Variants in NUP155 observed in about 807,000 individuals in gnomAD.
NUP155 encodes the protein nuclear pore complex protein Nup155.
Under a neutral mutation model 180.4 loss-of-function variants are expected in NUP155, and 71 were observed. The observed-to-expected ratio is 0.39, with a 90% CI of 0.33 to 0.48. The LOEUF (loss-of-function observed/expected upper bound fraction) is 0.48. Among genes scored for constraint, NUP155 ranks in the 20% least tolerant of loss-of-function variants. The probability of loss-of-function intolerance (pLI) is 0.91; values close to 1 mark genes in which losing one functional copy is unlikely to be tolerated. For synonymous variants in NUP155, 582 were observed against 559.5 expected, an observed-to-expected ratio of 1.04 and a Z score of -0.57; for missense variants, 1,553 against 1,648.9, an observed-to-expected ratio of 0.94 and a Z score of 1.01.
In NUP155 at chr5:37,365,711, G is replaced by GGAAA. The variant is rs1491216296; in HGVS notation, c.158-1328_158-1327insTTTC. On this transcript the variant is annotated intron_variant, in intron 1 of 34. Transcript: ENST00000231498. ...TGACAGAGCAAGACTCTGTCTCGGGGAGAAAAAAAAAAAAAAAAAAAAAAA... is the reference window on the plus strand; with the variant it reads ...TGACAGAGCAAGACTCTGTCTCGGGGGAAAAGAAAAAAAAAAAAAAAAAAAAAAA... Among the ~76,000 whole-genome samples the GGAAA allele has an allele frequency of 2.1e-3, 71 of 34,012 alleles. 16 individuals are homozygous for GGAAA. The highest frequency in any genetic ancestry group is 0.031 in the Middle Eastern group (1 of 32). The allele number at this position is 34,012 out of a possible 152,430, so 22.3% of individuals were successfully genotyped here.
intron 25 of NUP155, 30 bp from the exon 26 acceptor site, chr5:37,305,240 A>T: frequency 1.3e-6 from 2 of 1,580,854 alleles, no homozygotes; most frequent in Non-Finnish European, 1.7e-6. Flanking sequence ...GAACAATTAC[A>T]TTATTTAACT....
Position 37,326,107 on chromosome 5 carries a change from T to C in NUP155, c.2025-140A>G, listed in dbSNP as rs1369723880. 4 of 666,088 alleles carry C rather than the reference T, an allele frequency of 6.0e-6. No individual in the cohort carries two copies. In the Admixed American group the frequency reaches 7.8e-5, roughly 13 times the overall value. The allele number at this position is 666,088 out of a possible 1,614,324, so 41.3% of individuals were successfully genotyped here. A position where few individuals can be genotyped will look rare whatever the true frequency, so the allele number is the denominator to read the frequency against. The stretch of plus-strand genomic sequence containing the variant: ...TCATTTAACATTTTACTAAGCTATC[T>C]AGAAGAGTGGAATACTAGAAAATTT... On this transcript the variant is annotated intron_variant, in intron 18 of 34. Transcript: ENST00000231498.
intron 19 of NUP155, among the ~76,000 whole-genome samples, chr5:37,324,802 T>C (rs750419700): frequency 1.3e-5 from 2 of 152,170 alleles, no homozygotes; most frequent in Non-Finnish European, 2.9e-5. Context: ...TTCCAAAGCA[T>C]TGTGGTTACA....
chr5:37,323,552 A>G (rs1744384725), intron 20 of NUP155, among the ~76,000 whole-genome samples: 1 of 151,366 alleles, frequency 6.6e-6, no homozygotes, highest in Non-Finnish European at 1.5e-5. Flanking sequence ...ATTCATATAA[A>G]TATTTCTATA....
intron 18 of NUP155, 79 bp downstream of exon 18, chr5:37,327,550 C>T: frequency 1.3e-6 from 2 of 1,521,612 alleles, no homozygotes; most frequent in Non-Finnish European, 1.8e-6. Flanking sequence ...AATGATGTCC[C>T]AAATTCAGAG....
At chr5:37,370,758 T>C (rs1747908976) in intron 1 of NUP155, 63 bp downstream of exon 1, 3 of 1,613,226 alleles carry the variant, frequency 1.9e-6, no homozygotes, top group Non-Finnish European at 8.5e-7. Flanking sequence ...TGGGGATAAG[T>C]AGCAAATTAG....
chr5:37,296,235 G>T (rs923576167), intron 32 of NUP155, among the ~76,000 whole-genome samples: 6 of 152,192 alleles, frequency 3.9e-5, no homozygotes, highest in Admixed American at 3.3e-4. Context: ...GGAATAGAAA[G>T]GGGGGAAAGG....
intron 33 of NUP155, 157 bp from the exon 34 acceptor site, chr5:37,293,142 G>A (rs1742323520): frequency 1.7e-6 from 1 of 604,600 alleles, no homozygotes; most frequent in Non-Finnish European, 3.0e-6. Context: ...TCTGATTATA[G>A]TTAATATTTC....
chr5:37,324,107 T>C lies in NUP155; in HGVS notation c.2092A>G (p.Ile698Val). The change falls in exon 20 of 35, where the codon ATT becomes GTT. Residue 698 changes from isoleucine (I) to valine (V), a missense_variant and splice_region_variant. Transcript: ENST00000231498. ...AGTTGGCAGGGAACACTACTTTCAATCTGTAAAAATGAAAGATTTTTCAAA... is the reference window on the plus strand; with the variant it reads ...AGTTGGCAGGGAACACTACTTTCAACCTGTAAAAATGAAAGATTTTTCAAA... Reference protein sequence around the residue: ...FKSGNREITAIESSVPCQLLE... With the variant: ...FKSGNREITAVESSVPCQLLE... The C allele has an allele frequency of 7.5e-6, 12 of 1,598,242 alleles. No homozygotes were observed. The highest frequency in any genetic ancestry group is 9.4e-6 in the Non-Finnish European group (11 of 1,165,750).
intron 12 of NUP155, among the ~76,000 whole-genome samples, chr5:37,337,137 C>T (rs1389036934): frequency 5.3e-5 from 8 of 152,042 alleles, no homozygotes; most frequent in Admixed American, 3.9e-4. Flanking sequence ...CTAGGATGGG[C>T]AGCTGGGGGC....
chr5:37,304,908 T>G, intron 26 of NUP155, 65 bp from the exon 27 acceptor site: 1 of 1,512,834 alleles, frequency 6.6e-7, no homozygotes, highest in Middle Eastern at 1.9e-4. Context: ...CACAACCCTT[T>G]AGCCCTATAA....
intron 32 of NUP155, among the ~76,000 whole-genome samples, chr5:37,296,556 CAG>C (rs1491050235): frequency 5.3e-5 from 8 of 150,236 alleles, no homozygotes; most frequent in Non-Finnish European, 7.4e-5. Context: ...CTGCGGAAGG[CAG>C]CCGCAGGGTC....
intron 9 of NUP155, among the ~76,000 whole-genome samples, chr5:37,346,975 C>A (rs987947219): frequency 2.0e-5 from 3 of 152,098 alleles, no homozygotes; most frequent in African/African-American, 7.2e-5. Context: ...TGCCTGTAAC[C>A]CCAGCACTTT....
In NUP155 at chr5:37,345,732, G is replaced by A. The variant is rs140226679; in HGVS notation, c.995+2773C>T. On this transcript the variant is annotated intron_variant, in intron 9 of 34. Transcript: ENST00000231498. Reference sequence around the variant, plus strand: ...ATCCTGGCCAGCATGGTGAAACCCTGTCTCTACTGAAAATACAAAAAATTA... The same window carrying A: ...ATCCTGGCCAGCATGGTGAAACCCTATCTCTACTGAAAATACAAAAAATTA... Among the ~76,000 whole-genome samples the A allele has an allele frequency of 4.7e-4, 71 of 151,874 alleles. 1 individual carries two copies. Among genetic ancestry groups the A allele is most frequent in the African/African-American group, 1.6e-3 (65 of 41,442 alleles).
chr5:37,317,835 G>T (rs966365039), intron 21 of NUP155, among the ~76,000 whole-genome samples, 153 bp downstream of exon 21: 1 of 151,846 alleles, frequency 6.6e-6, no homozygotes, highest in Non-Finnish European at 1.5e-5. Flanking sequence ...TTACAGGTGT[G>T]AGCCACCACC....
chr5:37,350,309 T>C (rs1746373556), intron 6 of NUP155, 44 bp from the exon 7 acceptor site: 2 of 1,272,082 alleles, frequency 1.6e-6, no homozygotes, highest in Non-Finnish European at 2.3e-6. Context: ...AGTATGTAAC[T>C]CCCTTACAAT....
At chr5:37,304,102 T>C (rs543586064) in intron 27 of NUP155, among the ~76,000 whole-genome samples, 8 of 151,646 alleles carry the variant, frequency 5.3e-5, no homozygotes, top group African/African-American at 1.9e-4. Flanking sequence ...ATATAAAAAT[T>C]AGCTGTGCGT....
Position 37,304,302 on chromosome 5 carries a change from T to C in NUP155, c.3162+437A>G, listed in dbSNP as rs116570054. Among the ~76,000 whole-genome samples the C allele has an allele frequency of 3.1e-3, 471 of 151,176 alleles. 1 individual carries two copies. The highest frequency in any genetic ancestry group is 4.5e-3 in the Non-Finnish European group (306 of 67,802). ...AAATTTACTATAAAATTACAAATTT[T>C]TAAATAAACTTTGATAACACAGCTA... On this transcript the variant is annotated intron_variant, in intron 27 of 34. Coordinates refer to ENST00000231498, the MANE Select transcript of NUP155 (RefSeq NM_153485.3).
rs1487683324 is a variant in NUP155, at chr5:37,348,498, A to G, written c.995+7T>C. 3 of 1,537,740 alleles carry G rather than the reference A, an allele frequency of 2.0e-6. No homozygotes were observed. ...AATGAAATGCTTAATAATAAATTAC[A>G]TGTTACCTAGCAATGTTACCAGCAG... On this transcript the variant is annotated splice_region_variant and intron_variant, in intron 9 of 34. Transcript: ENST00000231498.
Sources: gnomAD v4.1 joint callset for allele counts (sites outside exome capture counted in the v4.1 genomes callset) on GRCh38, gnomAD v4.1.1 for gene constraint, MANE v1.5 for transcripts, NCBI Gene and HGNC (gene_info 2026-07-23, HGNC 2026-07-21) for gene names.